PCDHA13: variants seen among roughly 807,000 people sequenced by gnomAD.
The protein encoded by PCDHA13 is protocadherin alpha-13.
PCDHA13 carries 54 observed loss-of-function variants against 64.8 expected under a neutral mutation model. That is an observed-to-expected ratio of 0.83 (90% CI 0.67 to 1.04). The LOEUF is 1.04. Among genes scored for constraint, PCDHA13 ranks in the 50% least tolerant of loss-of-function variants. The probability of loss-of-function intolerance (pLI) is 0.00; values close to 1 mark genes in which losing one functional copy is unlikely to be tolerated. For missense variants in PCDHA13, 1,248 were observed against 1,254.3 expected, an observed-to-expected ratio of 0.99 and a Z score of 0.08; for synonymous variants, 587 against 564.4, an observed-to-expected ratio of 1.04 and a Z score of -0.57.
chr5:140,993,134 A>G (rs2097542279), intron 3 of PCDHA13, among the ~76,000 whole-genome samples: 1 of 152,238 alleles, frequency 6.6e-6, no homozygotes, highest in African/African-American at 2.4e-5. Flanking sequence ...CTTCTGTTGC[A>G]ACAAGTATAA....
At chr5:140,948,527 A>G (rs902965857) in intron 1 of PCDHA13, among the ~76,000 whole-genome samples, 7 of 151,560 alleles carry the variant, frequency 4.6e-5, no homozygotes, top group Non-Finnish European at 8.9e-5. Context: ...CACTATTTAT[A>G]TTTTATTTCA....
At chr5:140,969,145 C>T (rs782791096) in intron 1 of PCDHA13, 1 of 1,614,168 alleles carries the variant, frequency 6.2e-7, no homozygotes, top group South Asian at 1.1e-5. Context: ...CCTACTGCTA[C>T]AAGGCCTGTC....
chr5:140,885,873 T>A (rs1365119411), intron 1 of PCDHA13, among the ~76,000 whole-genome samples: 3 of 152,154 alleles, frequency 2.0e-5, no homozygotes, highest in Admixed American at 6.5e-5. Flanking sequence ...TGAAAAAAAA[T>A]TTTTAGTTTC....
chr5:140,962,080 T>A (rs1226617177), intron 1 of PCDHA13, among the ~76,000 whole-genome samples: 1 of 151,756 alleles, frequency 6.6e-6, no homozygotes, highest in Non-Finnish European at 1.5e-5. Context: ...AGAGACGGGG[T>A]TTCACCATGT....
chr5:140,924,437 T>A (rs2081836231), intron 1 of PCDHA13, among the ~76,000 whole-genome samples: 1 of 152,206 alleles, frequency 6.6e-6, no homozygotes, highest in Admixed American at 6.5e-5. Flanking sequence ...CTAGAAGAGA[T>A]AACGAATGGG....
Position 140,882,561 on chromosome 5 carries a change from G to A in PCDHA13, c.293G>A (p.Arg98Gln). Residue 98 changes from arginine to glutamine, a missense_variant, in exon 1 of 4, where the codon CGG (arginine) becomes CAG (glutamine). By Grantham distance (43) the Arg-to-Gln change is conservative. Coordinates refer to ENST00000289272, the MANE Select transcript of PCDHA13 (RefSeq NM_018904.3). The stretch of plus-strand genomic sequence containing the variant: ...ATCGACCGCGAGGAGCTGTGTGGGC[G>A]GAGCGCGGAGTGCAGCATCCACCTG... ...SRIDREELCG[R>Q]SAECSIHLEV... The A allele has an allele frequency of 1.2e-6, 2 of 1,614,222 alleles. No individual in the cohort carries two copies. Among genetic ancestry groups the A allele is most frequent in the Non-Finnish European group, 1.7e-6 (2 of 1,180,038 alleles).
intron 1 of PCDHA13, among the ~76,000 whole-genome samples, chr5:140,905,243 T>C (rs962108553): frequency 7.2e-5 from 11 of 152,184 alleles, no homozygotes; most frequent in Non-Finnish European, 1.5e-4. Context: ...CCAGTTTCAT[T>C]CTTCCACATG....
At chr5:140,965,015 C>A (rs187456244) in intron 1 of PCDHA13, among the ~76,000 whole-genome samples, 116 of 152,260 alleles carry the variant, frequency 7.6e-4, no homozygotes, top group Non-Finnish European at 1.2e-3. Context: ...AGGATCACAA[C>A]CTTGGCTCCT....
chr5:140,993,462 TCACACA>T (rs3836747), intron 3 of PCDHA13, among the ~76,000 whole-genome samples: 28,176 of 140,902 alleles, frequency 0.2, 2,920 homozygotes, highest in East Asian at 0.31. Flanking sequence ...TCTTTCTTTC[TCACACA>T]CACACACACA....
In PCDHA13 at chr5:141,005,071, G is replaced by A. The variant is rs115656219; in HGVS notation, c.2543-4556G>A. On this transcript the variant is annotated intron_variant, in intron 3 of 3. Coordinates refer to ENST00000289272, the MANE Select transcript of PCDHA13 (RefSeq NM_018904.3). ...TACTGAATTCTTGCATTGTGCTAAG[G>A]ATCAAGCTTAGTACTTTACATGCAT... 5.2e-3 allele frequency among the ~76,000 whole-genome samples: 796 copies of A among 152,278 alleles called. 8 individuals are homozygous for A. The highest frequency in any genetic ancestry group is 0.018 in the African/African-American group (745 of 41,556).
At chr5:140,976,697 T>C (rs2096727777) in intron 1 of PCDHA13, among the ~76,000 whole-genome samples, 1 of 152,224 alleles carries the variant, frequency 6.6e-6, no homozygotes, top group Non-Finnish European at 1.5e-5. Context: ...AGTACAATAA[T>C]GTTGACTTTG....
chr5:140,968,125 TAC>T, intron 1 of PCDHA13: 1 of 1,614,174 alleles, frequency 6.2e-7, no homozygotes, highest in Non-Finnish European at 8.5e-7. Context: ...CATCCCTGCG[TAC>T]ACTGAAGGTT....
chr5:140,887,258 T>G (rs934733001), intron 1 of PCDHA13, among the ~76,000 whole-genome samples: 4 of 151,924 alleles, frequency 2.6e-5, no homozygotes, highest in East Asian at 1.9e-4. Context: ...CACCACGCCC[T>G]GCTAATTTTT....
chr5:140,905,163 G>A (rs782288723), intron 1 of PCDHA13, among the ~76,000 whole-genome samples: 30 of 152,274 alleles, frequency 2.0e-4, no homozygotes, highest in African/African-American at 7.0e-4. Flanking sequence ...AATTTTCATG[G>A]TTTCAGGTTT....
At chr5:140,967,702 C>T (rs1563368615) in intron 1 of PCDHA13, 3 of 1,614,162 alleles carry the variant, frequency 1.9e-6, no homozygotes, top group Middle Eastern at 3.3e-4. Flanking sequence ...GCATAGATGC[C>T]AGTACCGGGG....
chr5:140,885,469 C>T (rs1338782835), intron 1 of PCDHA13, among the ~76,000 whole-genome samples: 1 of 152,156 alleles, frequency 6.6e-6, no homozygotes, highest in Admixed American at 6.5e-5. Flanking sequence ...GATGGGCAAT[C>T]ACTTTGTGTC....
intron 1 of PCDHA13, among the ~76,000 whole-genome samples, chr5:140,942,450 C>A (rs1017198131): frequency 6.6e-6 from 1 of 151,378 alleles, no homozygotes; most frequent in African/African-American, 2.4e-5. Flanking sequence ...AGTAAACTAT[C>A]AATTATAATA....
chr5:140,884,468 C>G lies in PCDHA13; in HGVS notation c.2200C>G (p.Pro734Ala). Residue 734 changes from proline to alanine, a missense_variant, in exon 1 of 4, where the codon CCG becomes GCG. Coordinates refer to ENST00000289272, the MANE Select transcript of PCDHA13 (RefSeq NM_018904.3). ...ACCGCCCACCGAGGGCGCGTGCGCG[C>G]CGGGCAAGCCCACTCTAGTGTGCTC... ...SAPPTEGACA[P>A]GKPTLVCSSA... 4 of 1,613,762 alleles carry G rather than the reference C, an allele frequency of 2.5e-6. No individual in the cohort carries two copies. Among genetic ancestry groups the G allele is most frequent in the Non-Finnish European group, 3.4e-6 (4 of 1,179,822 alleles).
chr5:140,981,685 C>T (rs369964011), intron 2 of PCDHA13, among the ~76,000 whole-genome samples: 1 of 152,048 alleles, frequency 6.6e-6, no homozygotes, highest in African/African-American at 2.4e-5. Flanking sequence ...TTCCTCCCTT[C>T]CATCATTCAT....
Sources: gnomAD v4.1 joint callset for allele counts (sites outside exome capture counted in the v4.1 genomes callset) on GRCh38, gnomAD v4.1.1 for gene constraint, MANE v1.5 for transcripts, NCBI Gene and HGNC (gene_info 2026-07-23, HGNC 2026-07-21) for gene names.